Variants in TARBP2 observed in about 807,000 individuals in gnomAD.
The protein encoded by TARBP2 is RISC-loading complex subunit TARBP2.
A neutral mutation model predicts 40.4 loss-of-function variants in TARBP2; 23 were observed. The observed-to-expected ratio is 0.57, with a 90% CI of 0.41 to 0.81. TARBP2 has a LOEUF of 0.81. Ranked by LOEUF, TARBP2 falls within the 30% of genes least tolerant of loss-of-function variation. The probability of loss-of-function intolerance (pLI) is 0.00; values close to 1 mark genes in which losing one functional copy is unlikely to be tolerated. For missense variants in TARBP2, 358 were observed against 473.7 expected, an observed-to-expected ratio of 0.76 and a Z score of 2.27; for synonymous variants, 183 against 190.5, an observed-to-expected ratio of 0.96 and a Z score of 0.32.
Position 53,503,567 on chromosome 12 carries a change from G to A in TARBP2, c.327-146G>A, listed in dbSNP as rs1943818752. Reference sequence around the variant, plus strand: ...GTTTGGCAGCAAAGGATCCGAGGAGGAAGCTGTTGGTTGAGCCTCCCTGAT... The same window carrying A: ...GTTTGGCAGCAAAGGATCCGAGGAGAAAGCTGTTGGTTGAGCCTCCCTGAT... On this transcript the variant is annotated intron_variant, in intron 3 of 8. Transcript: ENST00000266987. The A allele has an allele frequency of 7.8e-6, 5 of 642,052 alleles. No homozygotes were observed. The African/African-American group carries it at 9.1e-5, about 12-fold the overall frequency. 39.8% of individuals were successfully genotyped at this position (642,052 alleles called of 1,614,324 possible).
chr12:53,504,722 C>T lies in TARBP2; in HGVS notation c.520C>T (p.Arg174Trp). The T allele has an allele frequency of 1.2e-6, 2 of 1,614,156 alleles. No homozygotes were observed. The highest frequency in any genetic ancestry group is 1.7e-6 in the Non-Finnish European group (2 of 1,180,036). ...GGAGCTGGTGGTGCAGAAAGGCTGG[C>T]GGTTGCCGGAGTACACAGTGACCCA... ...LQELVVQKGW[R>W]LPEYTVTQES... The change falls in exon 6 of 9, where the codon CGG (arginine) becomes TGG (tryptophan). Residue 174 changes from arginine to tryptophan, a missense_variant. Around this residue, in one of 3 missense-constraint regions of TARBP2, gnomAD observed 317 missense variants for 422.9 expected, o/e 0.75. Coordinates refer to ENST00000266987, the MANE Select transcript of TARBP2 (RefSeq NM_134323.2).
rs190258088 is a variant in TARBP2, at chr12:53,505,175, G to A, written c.654G>A (p.Ala218=). Reference sequence around the variant, plus strand: ...AAAAATTGGCAAAGCGGAATGCGGCGGCCAAAATGCTGCTTCGAGTGCACA... The same window carrying A: ...AAAAATTGGCAAAGCGGAATGCGGCAGCCAAAATGCTGCTTCGAGTGCACA... ...TSKKLAKRNA[A]AKMLLRVHTV... is the part of the protein sequence containing the mutation. Residue 218 remains alanine (A), a synonymous_variant, in exon 7 of 9, where the codon GCG becomes GCA. Transcript: ENST00000266987. This position sits in a 1 kb window ranked among gnomAD's most constrained non-coding sequence, Gnocchi z 4.5. 52 of 1,611,612 alleles carry A rather than the reference G, an allele frequency of 3.2e-5. 1 individual carries two copies. Among genetic ancestry groups the A allele is most frequent in the South Asian group, 2.1e-4 (19 of 91,010 alleles).
At chr12:53,503,681 T>C (rs1943824484) in intron 3 of TARBP2, 32 bp from the exon 4 acceptor site, 1 of 1,509,906 alleles carries the variant, frequency 6.6e-7, no homozygotes, top group Non-Finnish European at 9.2e-7. Flanking sequence ...TATACATGGG[T>C]GTGAATCAAA....
intron 1 of TARBP2, 121 bp downstream of exon 1, chr12:53,501,582 G>A: frequency 6.7e-7 from 1 of 1,497,944 alleles, no homozygotes; most frequent in Non-Finnish European, 8.9e-7. Flanking sequence ...CTGGGGCAGT[G>A]GGCAGTGGTT....
In TARBP2 at chr12:53,505,794, G is replaced by C; in HGVS notation, c.887G>C (p.Arg296Pro). ...SLGALGPACC[R>P]VLSELSEEQA... ...GGTGCCCTGGGCCCTGCCTGCTGCCGTGTCCTCAGTGAGCTCTCTGAGGAG... is the reference window on the plus strand; with the variant it reads ...GGTGCCCTGGGCCCTGCCTGCTGCCCTGTCCTCAGTGAGCTCTCTGAGGAG... The change falls in exon 8 of 9, where the codon CGT becomes CCT. Residue 296 changes from arginine to proline, a missense_variant. Around this residue, in one of 3 missense-constraint regions of TARBP2, gnomAD observed 317 missense variants for 422.9 expected, o/e 0.75. Coordinates refer to ENST00000266987, the MANE Select transcript of TARBP2 (RefSeq NM_134323.2). This position sits in a 1 kb window ranked among gnomAD's most constrained non-coding sequence, Gnocchi z 4.5. 6.2e-7 allele frequency: 1 copy of C among 1,614,014 alleles called. No individual in the cohort carries two copies. The highest frequency in any genetic ancestry group is 8.5e-7 in the Non-Finnish European group (1 of 1,179,990).
At chr12:53,502,915 T>G in intron 2 of TARBP2, 112 bp from the exon 3 acceptor site, 1 of 1,143,900 alleles carries the variant, frequency 8.7e-7, no homozygotes, top group Non-Finnish European at 1.2e-6. Context: ...GGGAGGTTGG[T>G]CAGAAGGGGC....
Position 53,503,087 on chromosome 12 carries a change from T to A in TARBP2, c.284T>A (p.Leu95His). Reference protein sequence around the residue: ...HKAAEVALKHLKGGSMLEPAL... With the variant: ...HKAAEVALKHHKGGSMLEPAL... Reference sequence around the variant, plus strand: ...GCAGCTGAGGTGGCCCTCAAACACCTCAAAGGGGGGAGCATGCTGGAGCCG... The same window carrying A: ...GCAGCTGAGGTGGCCCTCAAACACCACAAAGGGGGGAGCATGCTGGAGCCG... The change falls in exon 3 of 9, where the codon CTC (leucine) becomes CAC (histidine). Residue 95 changes from leucine (L) to histidine (H), a missense_variant. This residue lies in a region of TARBP2 where 317 missense variants were observed against 422.9 expected (regional missense o/e 0.75). Transcript: ENST00000266987. The A allele has an allele frequency of 6.5e-7, 1 of 1,550,232 alleles. No homozygotes were observed. Among genetic ancestry groups the A allele is most frequent in the African/African-American group, 1.4e-5 (1 of 72,948 alleles).
At chr12:53,501,812 A>G in intron 1 of TARBP2, 1 of 1,321,532 alleles carries the variant, frequency 7.6e-7, no homozygotes, top group Non-Finnish European at 1.0e-6. Context: ...GGAGCAATGC[A>G]TTCTTCCCCC....
chr12:53,501,978 G>A (rs780206559), intron 1 of TARBP2, 37 bp from the exon 2 acceptor site: 2 of 1,611,768 alleles, frequency 1.2e-6, no homozygotes, highest in East Asian at 2.2e-5. Context: ...GGTGCAGAGA[G>A]GGGAGGTGTG....
At chr12:53,503,478 C>T (rs570859744) in intron 3 of TARBP2, 1 of 574,332 alleles carries the variant, frequency 1.7e-6, no homozygotes, top group African/African-American at 1.9e-5. Flanking sequence ...TGTTGCTCCT[C>T]TGGTTCTTGG....
At chr12:53,504,589 C>A (rs764912798) in intron 5 of TARBP2, 109 bp from the exon 6 acceptor site, 2 of 1,607,860 alleles carry the variant, frequency 1.2e-6, no homozygotes, top group African/African-American at 1.3e-5. Flanking sequence ...TTTCCACCCC[C>A]CTCTCTCCTT....
Position 53,501,622 on chromosome 12 carries a change from C to T in TARBP2, c.53+161C>T, listed in dbSNP as rs1286015410. On this transcript the variant is annotated intron_variant, in intron 1 of 8. Transcript: ENST00000266987. ...GCGTGCACCGGGGCAGTGGCTGCTG[C>T]CTCCAGCTCTAAATAGTTTGGGGTT... The T allele has an allele frequency of 4.1e-6, 6 of 1,463,122 alleles. No homozygotes were observed. In the East Asian group the frequency reaches 7.5e-5, roughly 18 times the overall value. 90.6% of individuals were successfully genotyped at this position (1,463,122 alleles called of 1,614,324 possible). A position where few individuals can be genotyped will look rare whatever the true frequency, so the allele number is the denominator to read the frequency against.
Position 53,501,355 on chromosome 12 carries a change from T to G in TARBP2, c.-54T>G. ...CCGGCCCTAGCTCGTCGGCTGTGTA[T>G]TGGGGCGCGTGGAGGCTGCAGTCAC... On this transcript the variant is annotated 5_prime_UTR_variant, in exon 1 of 9. Transcript: ENST00000266987. 1 of 1,545,686 alleles carries G rather than the reference T, an allele frequency of 6.5e-7. No individual in the cohort carries two copies. The highest frequency in any genetic ancestry group is 1.2e-5 in the South Asian group (1 of 83,934).
intron 4 of TARBP2, 54 bp from the exon 5 acceptor site, chr12:53,504,343 C>A: frequency 6.8e-7 from 1 of 1,475,228 alleles, no homozygotes; most frequent in Non-Finnish European, 9.1e-7. Flanking sequence ...AGCTCATGGG[C>A]AGGCTCAGAT....
At chr12:53,504,502 G>A (rs1253083054) in intron 5 of TARBP2, 33 bp downstream of exon 5, 8 of 1,608,554 alleles carry the variant, frequency 5.0e-6, no homozygotes, top group East Asian at 2.2e-5. Flanking sequence ...ATGCATGCCT[G>A]TCTTCCCTTG....
At position 53,501,399 on chromosome 12, in the gene TARBP2, G is replaced by C. The variant is rs1002751169; in HGVS notation, c.-10G>C. ...CAGTCACGGTGGCGCCCGCGGGGAC[G>C]GAGGAGGGAATGAGTGAAGAGGAGC... On this transcript the variant is annotated 5_prime_UTR_variant, in exon 1 of 9. Transcript: ENST00000266987. The C allele has an allele frequency of 5.1e-6, 8 of 1,561,468 alleles. No homozygotes were observed. In the Admixed American group the frequency reaches 7.7e-5, roughly 15 times the overall value.
At position 53,503,821 on chromosome 12, in the gene TARBP2, C is replaced by T; in HGVS notation, c.422+13C>T. 2 of 1,608,368 alleles carry T rather than the reference C, an allele frequency of 1.2e-6. No homozygotes were observed. Among genetic ancestry groups the T allele is most frequent in the East Asian group, 2.2e-5 (1 of 44,856 alleles). On this transcript the variant is annotated intron_variant, in intron 4 of 8. Coordinates refer to ENST00000266987, the MANE Select transcript of TARBP2 (RefSeq NM_134323.2). Reference sequence around the variant, plus strand: ...TAGTCCTAACCAGGTATCTGTGTCCCCTGACTGCCTGAGGTGGGTGGAGGA... The same window carrying T: ...TAGTCCTAACCAGGTATCTGTGTCCTCTGACTGCCTGAGGTGGGTGGAGGA...
Position 53,505,775 on chromosome 12 carries a change from C to T in TARBP2, c.868C>T (p.Leu290=). The stretch of plus-strand genomic sequence containing the variant: ...TTGCTCCCTGGGCTCCCTGGGTGCC[C>T]TGGGCCCTGCCTGCTGCCGTGTCCT... ...RSCSLGSLGA[L]GPACCRVLSE... is the part of the protein sequence containing the mutation. The change falls in exon 8 of 9, where the codon CTG becomes TTG. Residue 290 remains leucine (L), a synonymous_variant. Transcript: ENST00000266987. This position sits in a 1 kb window ranked among gnomAD's most constrained non-coding sequence, Gnocchi z 4.5. 2 of 1,614,046 alleles carry T rather than the reference C, an allele frequency of 1.2e-6. No individual in the cohort carries two copies. Among genetic ancestry groups the T allele is most frequent in the East Asian group, 2.2e-5 (1 of 44,870 alleles).
chr12:53,504,547 G>A, intron 5 of TARBP2, 78 bp downstream of exon 5: 1 of 1,601,966 alleles, frequency 6.2e-7, no homozygotes. Flanking sequence ...ATGTGTGTTT[G>A]GGGGTGGGGG....
Sources: gnomAD v4.1 joint callset for allele counts on GRCh38, gnomAD v4.1.1 for gene constraint, gnomAD v4.1.1 regional missense constraint, Gnocchi (gnomAD v3.1) non-coding constraint, MANE v1.5 for transcripts, NCBI Gene and HGNC (gene_info 2026-07-23, HGNC 2026-07-21) for gene names.